Variants in BDNF observed in about 807,000 individuals in gnomAD.
BDNF encodes the protein neurotrophic factor BDNF precursor form.
Under a neutral mutation model 19.5 loss-of-function variants are expected in BDNF, and 1 was observed. That is an observed-to-expected ratio of 0.05 (90% confidence interval 0.02 to 0.24). BDNF has a LOEUF of 0.24. Among genes scored for constraint, BDNF ranks in the 10% least tolerant of loss-of-function variants. BDNF has a pLI of 1.00. For missense variants in BDNF, 195 were observed against 317.6 expected (o/e 0.61, Z 2.93); for synonymous variants, 100 against 121.6 (o/e 0.82, Z 1.17).
chr11:27,694,586 CT>C (rs34321446), intron 1 of BDNF, among the ~76,000 whole-genome samples: 95,089 of 123,522 alleles, frequency 0.77, 36,364 homozygotes, highest in East Asian at 0.97. Flanking sequence ...GGTTCCATAA[CT>C]TTTTTTTTTT....
At chr11:27,706,284 G>T (rs1485657192) in intron 1 of BDNF, among the ~76,000 whole-genome samples, 3 of 152,198 alleles carry the variant, frequency 2.0e-5, no homozygotes, top group African/African-American at 7.2e-5. Context: ...ACCTATAAAA[G>T]ATAGGTCCAG....
chr11:27,720,765 G>C, intron 1 of BDNF: 1 of 986,354 alleles, frequency 1.0e-6, no homozygotes, highest in Non-Finnish European at 1.2e-6. Context: ...CTCTAATTAA[G>C]TGATACTTGA....
At chr11:27,685,744 T>G (rs999215982) in intron 1 of BDNF, among the ~76,000 whole-genome samples, 1 of 152,000 alleles carries the variant, frequency 6.6e-6, no homozygotes, top group African/African-American at 2.4e-5. Flanking sequence ...TCTAATTTAA[T>G]TGCACTTTGG....
At chr11:27,699,931 A>C (rs577328215) in intron 1 of BDNF, among the ~76,000 whole-genome samples, 3 of 151,424 alleles carry the variant, frequency 2.0e-5, no homozygotes, top group Admixed American at 2.0e-4. Context: ...TCCCTCCTCT[A>C]CTTCGTGACT....
At chr11:27,718,601 C>G (rs1860620235) in intron 1 of BDNF, among the ~76,000 whole-genome samples, 1 of 127,178 alleles carries the variant, frequency 7.9e-6, no homozygotes, top group African/African-American at 2.9e-5. Flanking sequence ...TCGCGTAGAT[C>G]TGACTGAGAA....
intron 1 of BDNF, among the ~76,000 whole-genome samples, chr11:27,682,778 TG>T (rs1464254977): frequency 2.0e-5 from 3 of 152,188 alleles, no homozygotes; most frequent in Non-Finnish European, 4.4e-5. Context: ...ATGGTGTATG[TG>T]TGTCACATTT....
chr11:27,660,173 G>C, intron 1 of BDNF: 1 of 1,180,130 alleles, frequency 8.5e-7, no homozygotes. Flanking sequence ...CAATAGGTCA[G>C]AATGCAGAAA....
At chr11:27,662,912 G>T (rs1362892371) in intron 1 of BDNF, among the ~76,000 whole-genome samples, 3 of 152,178 alleles carry the variant, frequency 2.0e-5, no homozygotes, top group Admixed American at 2.0e-4. Context: ...AACTTCTTGA[G>T]TTCCTCTAAT....
intron 1 of BDNF, among the ~76,000 whole-genome samples, chr11:27,665,588 T>C (rs540824315): frequency 1.2e-3 from 182 of 152,304 alleles, no homozygotes; most frequent in African/African-American, 4.2e-3. Context: ...GCTTTTCCAA[T>C]GGTCTTAGCA....
intron 1 of BDNF, among the ~76,000 whole-genome samples, chr11:27,709,074 C>G (rs1275888599): frequency 6.6e-6 from 1 of 152,124 alleles, no homozygotes; most frequent in Non-Finnish European, 1.5e-5. Context: ...GGTGATCCAC[C>G]CGCCTCAGCC....
upstream of BDNF, chr11:27,700,744 C>A: frequency 8.4e-7 from 1 of 1,188,162 alleles, no homozygotes; most frequent in Non-Finnish European, 1.1e-6. Context: ...TTGGACAGGA[C>A]GCCCGCGGCT....
chr11:27,701,390 GTTC>G, upstream of BDNF: 1 of 1,033,558 alleles, frequency 9.7e-7, no homozygotes, highest in Non-Finnish European at 1.2e-6. Context: ...ATTTTTTCAC[GTTC>G]CCTTCGCTTA....
intron 1 of BDNF, among the ~76,000 whole-genome samples, chr11:27,663,485 C>T (rs926620020): frequency 6.6e-6 from 1 of 152,244 alleles, no homozygotes; most frequent in Non-Finnish European, 1.5e-5. Context: ...TCCATAACAA[C>T]ATGCTCTTTT....
intron 1 of BDNF, among the ~76,000 whole-genome samples, chr11:27,720,091 A>T (rs1860690342): frequency 6.6e-6 from 1 of 152,212 alleles, no homozygotes; most frequent in Non-Finnish European, 1.5e-5. Context: ...TAAATCTTAC[A>T]TTTGAATCAG....
At chr11:27,678,024 G>A (rs1856404804) in intron 1 of BDNF, among the ~76,000 whole-genome samples, 1 of 152,098 alleles carries the variant, frequency 6.6e-6, no homozygotes, top group African/African-American at 2.4e-5. Flanking sequence ...CTGGGACCGG[G>A]GGCTGAAGTC....
At chr11:27,700,787 G>A (rs948734571), upstream of BDNF, 3 of 1,201,918 alleles carry the variant, frequency 2.5e-6, no homozygotes, top group African/African-American at 1.6e-5. Flanking sequence ...CCTCAGCCCC[G>A]GGGAACCCCG....
chr11:27,682,722 T>C (rs1857000026), intron 1 of BDNF, among the ~76,000 whole-genome samples: 1 of 152,176 alleles, frequency 6.6e-6, no homozygotes, highest in South Asian at 2.1e-4. Context: ...TCCATGTCCC[T>C]GCAAAGGACA....
At chr11:27,663,251 T>C (rs986172798) in intron 1 of BDNF, among the ~76,000 whole-genome samples, 4 of 152,254 alleles carry the variant, frequency 2.6e-5, no homozygotes, top group Admixed American at 2.0e-4. Flanking sequence ...AAGCAGATTA[T>C]ATATTTATTT....
intron 1 of BDNF, chr11:27,676,252 A>G (rs1376913207): frequency 6.6e-6 from 1 of 152,220 alleles, no homozygotes; most frequent in Non-Finnish European, 1.5e-5. Context: ...ACAGTCATCA[A>G]TGCAACTGTC....
Sources: gnomAD v4.1 joint callset for allele counts (sites outside exome capture counted in the v4.1 genomes callset) on GRCh38, gnomAD v4.1.1 for gene constraint, MANE v1.5 for transcripts, NCBI Gene and HGNC (gene_info 2026-07-23, HGNC 2026-07-21) for gene names.